DMD: variants seen among roughly 807,000 people sequenced by gnomAD.
DMD encodes the protein mutant dystrophin.
In DMD, 63 loss-of-function variants were observed where a neutral mutation model predicts 330.1. The ratio of observed to expected loss-of-function variants is 0.19; its 90% CI spans 0.16 to 0.24. The LOEUF is 0.24. Ranked by LOEUF, DMD falls within the 10% of genes least tolerant of loss-of-function variation. The pLI is 1.00. For missense variants in DMD, 3,344 were observed against 2,684.1 expected (o/e 1.25, Z -5.43); for synonymous variants, 1,223 against 959.8 (o/e 1.27, Z -5.07).
intron 56 of DMD, among the ~76,000 whole-genome samples, chrX:31,503,439 G>A: frequency 8.9e-6 from 1 of 112,069 alleles, no homozygotes; most frequent in Non-Finnish European, 1.9e-5. Context: ...GAACAGAAGG[G>A]AAACTGGGTT....
intron 2 of DMD, among the ~76,000 whole-genome samples, chrX:32,967,757 C>T (rs1163388296): frequency 3.6e-5 from 4 of 111,214 alleles, no homozygotes; most frequent in Non-Finnish European, 5.7e-5. Flanking sequence ...ATCTTTTTTT[C>T]CTTCCTTTAG....
intron 2 of DMD, among the ~76,000 whole-genome samples, chrX:32,977,795 A>G (rs2092596539): frequency 9.0e-6 from 1 of 111,394 alleles, no homozygotes; most frequent in Admixed American, 9.6e-5. Flanking sequence ...TGTTAATTGG[A>G]ACAAGACTAG....
At chrX:32,335,866 ATATGTG>A (rs965507342) in intron 41 of DMD, among the ~76,000 whole-genome samples, 9 of 105,563 alleles carry the variant, frequency 8.5e-5, no homozygotes, top group African/African-American at 2.7e-4. Context: ...ATTCAACGTT[ATATGTG>A]TATAACATGT....
At chrX:32,957,611 T>C (rs139010137) in intron 2 of DMD, among the ~76,000 whole-genome samples, 1,162 of 111,657 alleles carry the variant, frequency 0.01, 15 homozygotes, top group African/African-American at 0.036. Flanking sequence ...CTCCTTTGAG[T>C]ATTTATTCTT....
At chrX:33,065,972 A>T (rs1446157562) in intron 1 of DMD, among the ~76,000 whole-genome samples, 1 of 110,048 alleles carries the variant, frequency 9.1e-6, no homozygotes, top group African/African-American at 3.3e-5. Flanking sequence ...AACATTTCTC[A>T]CTCTCCTCTA....
At position 31,996,185 on chromosome X, in the gene DMD, A is replaced by G. The variant is rs752917651; in HGVS notation, c.6439-27671T>C. Among the ~76,000 whole-genome samples, 9 of 112,196 alleles carry G rather than the reference A, an allele frequency of 8.0e-5. No individual in the cohort carries two copies. The South Asian group carries it at 1.1e-3, about 14-fold the overall frequency. On this transcript the variant is annotated intron_variant, in intron 44 of 78. Coordinates refer to ENST00000357033, the MANE Select transcript of DMD (RefSeq NM_004006.3). The stretch of plus-strand genomic sequence containing the variant: ...CGTGAATTAGAATTCTGCCAATAGT[A>G]TTAGTGCTAATGTAATCAACATGAC...
At chrX:33,002,850 G>GAAAAAAAAAAAA (rs145168802) in intron 2 of DMD, among the ~76,000 whole-genome samples, 3 of 38,758 alleles carry the variant, frequency 7.7e-5, no homozygotes, top group African/African-American at 3.2e-4. Context: ...TTTTTTTCTC[G>GAAAAAAAAAAAA]AAAAAAAAAA....
chrX:32,695,185 A>G (rs774134375), intron 9 of DMD, among the ~76,000 whole-genome samples: 2 of 112,210 alleles, frequency 1.8e-5, no homozygotes, highest in Non-Finnish European at 3.8e-5. Context: ...CCGTCGAGAA[A>G]GTGCAGCGTC....
chrX:31,724,374 A>T (rs938403327), intron 52 of DMD, among the ~76,000 whole-genome samples: 6 of 112,378 alleles, frequency 5.3e-5, no homozygotes, highest in Admixed American at 9.4e-5. Context: ...TAAAACTGTC[A>T]GTTAATTCAA....
Position 31,288,564 on chromosome X carries a change from A to T in DMD, c.9225-27548T>A, listed in dbSNP as rs2053411054. Reference sequence around the variant, plus strand: ...TTATCAGATAACCAAGTACAATCCCATTAAGATAACGGCTATAGTCCTTGA... The same window carrying T: ...TTATCAGATAACCAAGTACAATCCCTTTAAGATAACGGCTATAGTCCTTGA... On this transcript the variant is annotated intron_variant, in intron 62 of 78. Transcript: ENST00000357033. 4.5e-5 allele frequency among the ~76,000 whole-genome samples: 5 copies of T among 112,144 alleles called. No individual in the cohort carries two copies. The South Asian group carries it at 1.9e-3, about 42-fold the overall frequency.
At chrX:33,275,154 C>T (rs1420616001) in intron 1 of DMD, among the ~76,000 whole-genome samples, 1 of 112,248 alleles carries the variant, frequency 8.9e-6, no homozygotes, top group South Asian at 3.7e-4. Flanking sequence ...AGCTTTTGTG[C>T]AAATTAGTTG....
rs5972679 is a variant in DMD at position 32,819,554 on chromosome X, C to T, written c.358-2914G>A. Among the ~76,000 whole-genome samples, 846 of 111,679 alleles carry T rather than the reference C, an allele frequency of 7.6e-3. 19 individuals carry two copies. The highest frequency in any genetic ancestry group is 0.026 in the African/African-American group (790 of 30,725). On this transcript the variant is annotated intron_variant, in intron 5 of 78. Coordinates refer to ENST00000357033, the MANE Select transcript of DMD (RefSeq NM_004006.3). ...AAACCTGCCTATGTTACAAAATATG[C>T]GTTACTGTTTTAGGCTAGCAATTTT... is the stretch of plus-strand genomic sequence containing the variant.
intron 43 of DMD, among the ~76,000 whole-genome samples, chrX:32,254,972 T>C (rs145822028): frequency 6.4e-4 from 72 of 112,105 alleles, no homozygotes; most frequent in African/African-American, 2.3e-3. Flanking sequence ...ACTGAAACTC[T>C]ATACCAATGA....
intron 2 of DMD, among the ~76,000 whole-genome samples, chrX:32,925,904 A>G (rs945975027): frequency 2.7e-5 from 3 of 111,976 alleles, no homozygotes; most frequent in Admixed American, 9.5e-5. Flanking sequence ...CTTGTTTTCT[A>G]TATCTTTAAA....
intron 7 of DMD, among the ~76,000 whole-genome samples, chrX:32,783,057 CATATATGGTGTATATATACACACACATAT>C: frequency 1.0e-5 from 1 of 96,335 alleles, no homozygotes; most frequent in African/African-American, 4.3e-5. Context: ...CACACATATA[CATATATGGTGTATATATACACACACATAT>C]ACATATATGG....
At chrX:31,946,918 T>C (rs2095095279) in intron 45 of DMD, among the ~76,000 whole-genome samples, 1 of 111,211 alleles carries the variant, frequency 9.0e-6, no homozygotes, top group Non-Finnish European at 1.9e-5. Flanking sequence ...ATTTATTTGC[T>C]ATATGACTTA....
intron 11 of DMD, among the ~76,000 whole-genome samples, chrX:32,626,415 G>C (rs2058349972): frequency 9.5e-6 from 1 of 105,278 alleles, no homozygotes; most frequent in African/African-American, 4.0e-5. Context: ...GTTGCAGTGA[G>C]CTGAGATCAC....
At chrX:32,775,560 C>T (rs1469701645) in intron 7 of DMD, among the ~76,000 whole-genome samples, 1 of 113,263 alleles carries the variant, frequency 8.8e-6, no homozygotes, top group Non-Finnish European at 1.9e-5. Context: ...GGGGCTTGCA[C>T]CCTCTGAAGC....
At chrX:33,260,265 C>A (rs760212529) in intron 1 of DMD, among the ~76,000 whole-genome samples, 47 of 111,226 alleles carry the variant, frequency 4.2e-4, no homozygotes, top group Middle Eastern at 4.6e-3. Context: ...CTAAGAGGTG[C>A]TTAACAGGTA....
Sources: gnomAD v4.1 joint callset for allele counts (sites outside exome capture counted in the v4.1 genomes callset) on GRCh38, gnomAD v4.1.1 for gene constraint, MANE v1.5 for transcripts, NCBI Gene and HGNC (gene_info 2026-07-23, HGNC 2026-07-21) for gene names.